The following LAMB2 variants were observed in gnomAD, a reference collection of about 807,000 sequenced individuals.
LAMB2 encodes the protein laminin subunit beta 2, also known as laminin subunit beta-2.
In LAMB2, 119 loss-of-function variants were observed where a neutral mutation model predicts 202.7. The observed-to-expected ratio is 0.59, with a 90% CI of 0.51 to 0.68. The LOEUF (loss-of-function observed/expected upper bound fraction) is 0.68, where lower values mean the gene tolerates loss of function less well. LAMB2 is among the 30% of genes least tolerant of loss of function. The pLI is 0.00. For missense variants in LAMB2, 2,124 were observed against 2,410.6 expected, an observed-to-expected ratio of 0.88 and a Z score of 2.49; for synonymous variants, 818 against 902.2, an observed-to-expected ratio of 0.91 and a Z score of 1.67.
chr3:49,132,998 C>G lies in LAMB2; in HGVS notation c.-131G>C. 1.3e-6 allele frequency: 1 copy of G among 790,240 alleles called. No individual in the cohort carries two copies. The highest frequency in any genetic ancestry group is 1.5e-5 in the South Asian group (1 of 65,228). The allele number at this position is 790,240 out of a possible 1,614,324, so 49.0% of individuals were successfully genotyped here. A position where few individuals can be genotyped will look rare whatever the true frequency, so the allele number is the denominator to read the frequency against. On this transcript the variant is annotated 5_prime_UTR_variant, in exon 1 of 32. Coordinates refer to ENST00000305544, the MANE Select transcript of LAMB2 (RefSeq NM_002292.4). This position sits in a 1 kb window ranked among gnomAD's most constrained non-coding sequence, Gnocchi z 4.6. The stretch of plus-strand genomic sequence containing the variant: ...TTTCCCTCCAGGCCCTCTGTCAGTT[C>G]CCAGGTCTGTCCAGCGGTCCCTCCG...
Position 49,124,011 on chromosome 3 carries a change from G to A in LAMB2, c.3514C>T (p.Arg1172Cys), listed in dbSNP as rs754616119. Residue 1172 changes from arginine to cysteine, a missense_variant, in exon 24 of 32, where the codon CGC becomes TGC. By Grantham distance (180) the Arg-to-Cys change is radical. Transcript: ENST00000305544. ...CSCRPGVSGV[R>C]CDQCARGFSG... ...AAGCCACGGGCACACTGGTCACAGC[G>A]CACACCAGACACCCCTGGGCGGCAG... 2.4e-5 allele frequency: 38 copies of A among 1,613,356 alleles called. No homozygotes were observed. The South Asian group carries it at 2.4e-4, about 10-fold the overall frequency.
At position 49,132,897 on chromosome 3, in the gene LAMB2, G is replaced by T; in HGVS notation, c.-30C>A. 6.2e-7 allele frequency: 1 copy of T among 1,605,184 alleles called. No individual in the cohort carries two copies. The highest frequency in any genetic ancestry group is 8.5e-7 in the Non-Finnish European group (1 of 1,172,104). On this transcript the variant is annotated 5_prime_UTR_variant, in exon 1 of 32. Coordinates refer to ENST00000305544, the MANE Select transcript of LAMB2 (RefSeq NM_002292.4). The surrounding 1 kb of genome is among the most constrained non-coding windows in gnomAD (Gnocchi z 4.6). ...AAGAGGGGAACAGGGATAAGGGGAGGTGAACGGTCTCGGGCCCGAGCCCTC... is the reference window on the plus strand; with the variant it reads ...AAGAGGGGAACAGGGATAAGGGGAGTTGAACGGTCTCGGGCCCGAGCCCTC...
chr3:49,124,348 A>C, intron 22 of LAMB2, 47 bp downstream of exon 22: 1 of 1,612,928 alleles, frequency 6.2e-7, no homozygotes, highest in Non-Finnish European at 8.5e-7. Context: ...GAGATAAGAC[A>C]GACACCTGGC....
chr3:49,129,793 A>C lies in LAMB2; in HGVS notation c.1405+46T>G. On this transcript the variant is annotated intron_variant, in intron 10 of 31. Coordinates refer to ENST00000305544, the MANE Select transcript of LAMB2 (RefSeq NM_002292.4). This position sits in a 1 kb window ranked among gnomAD's most constrained non-coding sequence, Gnocchi z 6.1. The stretch of plus-strand genomic sequence containing the variant: ...GTTCAGCTGAGTCAGGAGTAAGAGG[A>C]CAGGGGTTAAAGGTCAGCATAGAAG... The C allele has an allele frequency of 6.2e-7, 1 of 1,611,990 alleles. No homozygotes were observed. The highest frequency in any genetic ancestry group is 8.5e-7 in the Non-Finnish European group (1 of 1,178,272).
chr3:49,123,021 G>A lies in LAMB2; in HGVS notation c.4256C>T (p.Ala1419Val), dbSNP rs764927107. The A allele has an allele frequency of 1.2e-6, 2 of 1,608,050 alleles. No homozygotes were observed. Among genetic ancestry groups the A allele is most frequent in the African/African-American group, 1.3e-5 (1 of 74,922 alleles). ...VCGAPGDAPCATSPCGGAGCR... is the reference protein window; with the variant it reads ...VCGAPGDAPCVTSPCGGAGCR... ...GCCGGCACCCCCACAAGGGCTTGTA[G>A]CACAGGGTGCATCCCCTGGTGCCCC... Residue 1419 changes from alanine to valine, a missense_variant, in exon 27 of 32, where the codon GCT (alanine) becomes GTT (valine). Coordinates refer to ENST00000305544, the MANE Select transcript of LAMB2 (RefSeq NM_002292.4).
Position 49,131,574 on chromosome 3 carries a change from C to T in LAMB2, c.609G>A (p.Glu203=), listed in dbSNP as rs2045482424. ...PPRHWDDVVC[E]SRYSEIEPST... Reference sequence around the variant, plus strand: ...ATGGCTCAATCTCTGAGTAGCGGGACTCACAGACTACATCATCCCAGTGCC... The same window carrying T: ...ATGGCTCAATCTCTGAGTAGCGGGATTCACAGACTACATCATCCCAGTGCC... The change falls in exon 5 of 32, where the codon GAG becomes GAA. Residue 203 remains glutamate (E), a synonymous_variant. Coordinates refer to ENST00000305544, the MANE Select transcript of LAMB2 (RefSeq NM_002292.4). This position sits in a 1 kb window ranked among gnomAD's most constrained non-coding sequence, Gnocchi z 5.0. 6.2e-7 allele frequency: 1 copy of T among 1,613,954 alleles called. No homozygotes were observed. The highest frequency in any genetic ancestry group is 8.5e-7 in the Non-Finnish European group (1 of 1,180,040).
chr3:49,131,600 G>A lies in LAMB2; in HGVS notation c.583C>T (p.Arg195Trp), dbSNP rs147986864. 48 of 1,613,736 alleles carry A rather than the reference G, an allele frequency of 3.0e-5. No individual in the cohort carries two copies. Among genetic ancestry groups the A allele is most frequent in the South Asian group, 4.4e-5 (4 of 91,092 alleles). Reference protein sequence around the residue: ...DFPGVPLAPPRHWDDVVCESR... With the variant: ...DFPGVPLAPPWHWDDVVCESR... ...TCACAGACTACATCATCCCAGTGCC[G>A]TGGGGGTGCTAGTGGGACTCCTGGG... Residue 195 changes from arginine (R) to tryptophan (W), a missense_variant, in exon 5 of 32, where the codon CGG becomes TGG. By Grantham distance (101) the Arg-to-Trp change is moderately radical. This residue lies in a region of LAMB2 where 256 missense variants were observed against 356.1 expected (regional missense o/e 0.72). Coordinates refer to ENST00000305544, the MANE Select transcript of LAMB2 (RefSeq NM_002292.4). This position sits in a 1 kb window ranked among gnomAD's most constrained non-coding sequence, Gnocchi z 5.0.
chr3:49,125,211 C>A (rs534949479), intron 19 of LAMB2, 42 bp from the exon 20 acceptor site: 1 of 1,613,496 alleles, frequency 6.2e-7, no homozygotes, highest in Non-Finnish European at 8.5e-7. Context: ...CCCTGGGAAG[C>A]CTGCCCACCA....
intron 15 of LAMB2, among the ~76,000 whole-genome samples, chr3:49,127,454 GGGAGGCCGAGAAA>G: frequency 6.6e-6 from 1 of 152,304 alleles, no homozygotes; most frequent in East Asian, 1.9e-4. Context: ...CCAGCACTTT[GGGAGGCCGAGAAA>G]GGTGGATCAC....
chr3:49,131,478 T>C lies in LAMB2; in HGVS notation c.649-36A>G. On this transcript the variant is annotated intron_variant, in intron 5 of 31. Coordinates refer to ENST00000305544, the MANE Select transcript of LAMB2 (RefSeq NM_002292.4). The surrounding 1 kb of genome is among the most constrained non-coding windows in gnomAD (Gnocchi z 5.0). ...AGGGAGTTCATAGTCACACTGGACC[T>C]TGCCTCAGGCCCATCATCCCCAGCT... is the stretch of plus-strand genomic sequence containing the variant. The C allele has an allele frequency of 1.2e-6, 2 of 1,613,972 alleles. No individual in the cohort carries two copies. The highest frequency in any genetic ancestry group is 1.7e-6 in the Non-Finnish European group (2 of 1,179,930).
rs927912532 is a variant in LAMB2 at position 49,133,002 on chromosome 3, G to C, written c.-135C>G. The C allele has an allele frequency of 5.2e-6, 4 of 766,254 alleles. No homozygotes were observed. The highest frequency in any genetic ancestry group is 5.1e-5 in the African/African-American group (3 of 58,352). The allele number at this position is 766,254 out of a possible 1,614,324, so 47.5% of individuals were successfully genotyped here. A position where few individuals can be genotyped will look rare whatever the true frequency, so the allele number is the denominator to read the frequency against. On this transcript the variant is annotated 5_prime_UTR_variant, in exon 1 of 32. Coordinates refer to ENST00000305544, the MANE Select transcript of LAMB2 (RefSeq NM_002292.4). ...CCTCCAGGCCCTCTGTCAGTTCCCA[G>C]GTCTGTCCAGCGGTCCCTCCGACAG...
Position 49,127,975 on chromosome 3 carries a change from G to A in LAMB2, c.2018+483C>T, listed in dbSNP as rs957916947. On this transcript the variant is annotated intron_variant, in intron 15 of 31. Transcript: ENST00000305544. ...GTGGAGATTACAGTGAGCCGAGATC[G>A]CACCACTGCACTCCAGCCTGGTGAC... Among the ~76,000 whole-genome samples, 12 of 127,410 alleles carry A rather than the reference G, an allele frequency of 9.4e-5. No individual in the cohort carries two copies. In the South Asian group the frequency reaches 1.2e-3, roughly 12 times the overall value. 83.6% of individuals were successfully genotyped at this position (127,410 alleles called of 152,430 possible). A position where few individuals can be genotyped will look rare whatever the true frequency, so the allele number is the denominator to read the frequency against.
rs1434591761 is a variant in LAMB2, at chr3:49,123,261, C to G, written c.4095G>C (p.Arg1365=). Residue 1365 remains arginine, a synonymous_variant, in exon 26 of 32, where the codon CGG becomes CGC. Transcript: ENST00000305544. ...CATCCATCAGTGCCTCTGTCCGATG[C>G]CGAGCACTTGCCGAGTTGCTCACAG... ...PSPVSNSASA[R]HRTEALMDAQ... is the part of the protein sequence containing the mutation. 1 of 1,614,060 alleles carries G rather than the reference C, an allele frequency of 6.2e-7. No homozygotes were observed. The highest frequency in any genetic ancestry group is 1.3e-5 in the African/African-American group (1 of 75,058).
In LAMB2 at chr3:49,132,338, T is replaced by C. The variant is rs771728344; in HGVS notation, c.317A>G (p.His106Arg). The change falls in exon 3 of 32, where the codon CAT becomes CGT. Residue 106 changes from histidine (H) to arginine (R), a missense_variant. Physicochemically the swap from His to Arg is conservative, Grantham distance 29 (BLOSUM62 0). Around this residue, in one of 3 missense-constraint regions of LAMB2, gnomAD observed 166 missense variants for 158.2 expected, o/e 1.05. Coordinates refer to ENST00000305544, the MANE Select transcript of LAMB2 (RefSeq NM_002292.4). The surrounding 1 kb of genome is among the most constrained non-coding windows in gnomAD (Gnocchi z 4.6). The part of the protein sequence containing the change: ...PFSARDNPHS[H>R]RIQNVVTSFA... ...GCTGGTGACTACATTCTGGATGCGA[T>C]GGCTGTGTGGGTTGTCTCTAGCAGA... The C allele has an allele frequency of 1.2e-6, 2 of 1,614,114 alleles. No homozygotes were observed. Among genetic ancestry groups the C allele is most frequent in the Non-Finnish European group, 1.7e-6 (2 of 1,180,048 alleles).
In LAMB2 at chr3:49,123,045, C is replaced by T. The variant is rs1170217118; in HGVS notation, c.4232G>A (p.Gly1411Glu). Residue 1411 changes from glycine to glutamate, a missense_variant, in exon 27 of 32, where the codon GGG (glycine) becomes GAG (glutamate). Gly to Glu is a moderately conservative substitution (Grantham distance 98). Coordinates refer to ENST00000305544, the MANE Select transcript of LAMB2 (RefSeq NM_002292.4). Reference sequence around the variant, plus strand: ...AGCACAGGGTGCATCCCCTGGTGCCCCACACACCTGCCAGGCACAGAACAA... The same window carrying T: ...AGCACAGGGTGCATCCCCTGGTGCCTCACACACCTGCCAGGCACAGAACAA... ...SLTDINELVC[G>E]APGDAPCATS... The T allele has an allele frequency of 3.1e-6, 5 of 1,607,118 alleles. No homozygotes were observed. The highest frequency in any genetic ancestry group is 3.4e-6 in the Non-Finnish European group (4 of 1,179,990).
In LAMB2 at chr3:49,130,496, T is replaced by C; in HGVS notation, c.1037-77A>G. On this transcript the variant is annotated intron_variant, in intron 8 of 31. Coordinates refer to ENST00000305544, the MANE Select transcript of LAMB2 (RefSeq NM_002292.4). This position sits in a 1 kb window ranked among gnomAD's most constrained non-coding sequence, Gnocchi z 5.0. ...AGGGTAAGAAGTAGGCCACCTTAGA[T>C]CCCTATCACAGGCCAGAATTTGTGG... The C allele has an allele frequency of 6.4e-7, 1 of 1,555,122 alleles. No homozygotes were observed. The highest frequency in any genetic ancestry group is 8.9e-7 in the Non-Finnish European group (1 of 1,128,946).
At position 49,129,600 on chromosome 3, in the gene LAMB2, G is replaced by T; in HGVS notation, c.1518+4C>A. On this transcript the variant is annotated splice_donor_region_variant and intron_variant, in intron 11 of 31. Transcript: ENST00000305544. The surrounding 1 kb of genome is among the most constrained non-coding windows in gnomAD (Gnocchi z 6.1). ...CCTAGAACTCCAGCCCCTTCCAGTC[G>T]CACCAGGCAGCGGTCACATCCACGT... is the stretch of plus-strand genomic sequence containing the variant. The T allele has an allele frequency of 6.2e-7, 1 of 1,607,916 alleles. No individual in the cohort carries two copies. The highest frequency in any genetic ancestry group is 8.5e-7 in the Non-Finnish European group (1 of 1,174,474).
intron 15 of LAMB2, among the ~76,000 whole-genome samples, chr3:49,126,888 T>C (rs967873226): frequency 2.0e-5 from 3 of 152,226 alleles, no homozygotes; most frequent in Non-Finnish European, 4.4e-5. Context: ...AAGGCTTTCC[T>C]TTCCCATTGT....
In LAMB2 at chr3:49,123,393, A is replaced by G. The variant is rs756202417; in HGVS notation, c.3983-20T>C. The G allele has an allele frequency of 1.9e-6, 3 of 1,613,906 alleles. No individual in the cohort carries two copies. The highest frequency in any genetic ancestry group is 2.2e-5 in the East Asian group (1 of 44,898). ...AGGCACCTAAATTGGGCAGAGGCAG[A>G]CAGTCAGCTGAAGACTGACCCTGGT... is the stretch of plus-strand genomic sequence containing the variant. On this transcript the variant is annotated intron_variant, in intron 25 of 31. Coordinates refer to ENST00000305544, the MANE Select transcript of LAMB2 (RefSeq NM_002292.4).
Sources: gnomAD v4.1 joint callset for allele counts (sites outside exome capture counted in the v4.1 genomes callset) on GRCh38, gnomAD v4.1.1 for gene constraint, gnomAD v4.1.1 regional missense constraint, Gnocchi (gnomAD v3.1) non-coding constraint, MANE v1.5 for transcripts, NCBI Gene and HGNC (gene_info 2026-07-23, HGNC 2026-07-21) for gene names.